TUSC3: variants seen among roughly 807,000 people sequenced by gnomAD.
TUSC3 encodes tumor suppressor candidate 3, also known as dolichyl-diphosphooligosaccharide--protein glycosyltransferase subunit TUSC3.
TUSC3 carries 45 observed loss-of-function variants against 44.8 expected under a neutral mutation model. The ratio of observed to expected loss-of-function variants is 1.00; its 90% CI spans 0.79 to 1.29. The LOEUF (loss-of-function observed/expected upper bound fraction) is 1.29. TUSC3 is among the 50% of genes most tolerant of loss of function. TUSC3 has a pLI of 0.00. For synonymous variants in TUSC3, 212 were observed against 152.9 expected (o/e 1.39, Z -2.85); for missense variants, 519 against 437.9 (o/e 1.19, Z -1.65).
At chr8:15,437,397 T>C (rs10503544) in intron 1 of TUSC3, among the ~76,000 whole-genome samples, 14,557 of 152,194 alleles carry the variant, frequency 0.096, 733 homozygotes, top group East Asian at 0.15. Context: ...TGTTTCTTAA[T>C]TTTTTATGGC....
At chr8:15,628,764 G>A (rs1265153411) in intron 2 of TUSC3, among the ~76,000 whole-genome samples, 3 of 152,226 alleles carry the variant, frequency 2.0e-5, no homozygotes, top group African/African-American at 7.2e-5. Flanking sequence ...TTAGTGAAGA[G>A]TCTGTAGAAT....
At chr8:15,493,097 A>AAT (rs1333732855) in intron 2 of TUSC3, among the ~76,000 whole-genome samples, 1 of 152,208 alleles carries the variant, frequency 6.6e-6, no homozygotes, top group East Asian at 1.9e-4. Flanking sequence ...ACACAAAAAA[A>AAT]ATCCTGCAAG....
chr8:15,670,173 G>A (rs1168837869), intron 5 of TUSC3, among the ~76,000 whole-genome samples: 2 of 151,772 alleles, frequency 1.3e-5, no homozygotes, highest in Admixed American at 1.3e-4. Flanking sequence ...AAAGATACTC[G>A]TCTTGATCTT....
intron 6 of TUSC3, among the ~76,000 whole-genome samples, chr8:15,709,168 C>T (rs1349293634): frequency 6.6e-6 from 1 of 151,782 alleles, no homozygotes; most frequent in East Asian, 1.9e-4. Flanking sequence ...ATACTGCATC[C>T]AACATAATCT....
intron 3 of TUSC3, among the ~76,000 whole-genome samples, chr8:15,652,818 T>G (rs1050216743): frequency 3.3e-5 from 5 of 152,200 alleles, no homozygotes; most frequent in Non-Finnish European, 5.9e-5. Context: ...GAGCACAGTC[T>G]TGAGGCCCAA....
chr8:15,602,708 A>G (rs1259320587), intron 1 of TUSC3, among the ~76,000 whole-genome samples: 1 of 149,092 alleles, frequency 6.7e-6, no homozygotes, highest in Non-Finnish European at 1.5e-5. Context: ...ATATATGTGT[A>G]TGTATACGTG....
chr8:15,591,624 G>C (rs1803841238), intron 1 of TUSC3, among the ~76,000 whole-genome samples: 1 of 152,194 alleles, frequency 6.6e-6, no homozygotes, highest in Admixed American at 6.5e-5. Flanking sequence ...TGTTGTGAGG[G>C]AGTGATTGGG....
At chr8:15,703,218 G>C (rs1412021982) in intron 6 of TUSC3, among the ~76,000 whole-genome samples, 5 of 152,066 alleles carry the variant, frequency 3.3e-5, no homozygotes, top group African/African-American at 7.2e-5. Context: ...GGGGACATTA[G>C]TATAGGTATA....
chr8:15,808,221 G>A, the TUSC3 span, among the ~76,000 whole-genome samples: 33 of 152,120 alleles, frequency 2.2e-4, no homozygotes, highest in Admixed American at 1.6e-3. Flanking sequence ...CTGGTATAAT[G>A]TGTTCCTTAA....
intron 1 of TUSC3, among the ~76,000 whole-genome samples, chr8:15,549,397 C>G (rs1164488110): frequency 6.6e-6 from 1 of 151,612 alleles, no homozygotes; most frequent in Admixed American, 6.6e-5. Context: ...TGGTCTCAAA[C>G]TCCTGACCTC....
intron 7 of TUSC3, among the ~76,000 whole-genome samples, chr8:15,737,677 A>C (rs1810996491): frequency 6.6e-6 from 1 of 152,192 alleles, no homozygotes; most frequent in African/African-American, 2.4e-5. Flanking sequence ...CCAATAAGGC[A>C]AAGCTAGACG....
intron 1 of TUSC3, among the ~76,000 whole-genome samples, chr8:15,425,881 T>C (rs1414930022): frequency 6.6e-6 from 1 of 152,178 alleles, no homozygotes; most frequent in Non-Finnish European, 1.5e-5. Context: ...ACAAGTGTGG[T>C]AGCTCATGCC....
chr8:15,828,016 C>T, the TUSC3 span, among the ~76,000 whole-genome samples: 7 of 139,290 alleles, frequency 5.0e-5, no homozygotes, highest in East Asian at 2.1e-4. Context: ...TTTTTTGACA[C>T]GGAGTTTCAC....
intron 1 of TUSC3, among the ~76,000 whole-genome samples, chr8:15,547,916 A>G (rs1234751016): frequency 6.6e-6 from 1 of 151,802 alleles, no homozygotes; most frequent in African/African-American, 2.4e-5. Flanking sequence ...TTTCATAATA[A>G]TAAATATACC....
At chr8:15,624,619 A>G (rs912589639) in intron 2 of TUSC3, among the ~76,000 whole-genome samples, 2 of 152,184 alleles carry the variant, frequency 1.3e-5, no homozygotes, top group African/African-American at 4.8e-5. Flanking sequence ...TTAATGAAGT[A>G]TCTGTTCATA....
chr8:15,550,764 C>T (rs879480873), intron 1 of TUSC3, among the ~76,000 whole-genome samples: 6 of 151,518 alleles, frequency 4.0e-5, no homozygotes, highest in East Asian at 2.0e-4. Context: ...CTCTGCCTCC[C>T]GGGTTCAAGT....
intron 2 of TUSC3, among the ~76,000 whole-genome samples, chr8:15,492,515 A>G (rs1800822348): frequency 1.3e-5 from 2 of 152,192 alleles, no homozygotes; most frequent in African/African-American, 4.8e-5. Flanking sequence ...AGACTGCCCC[A>G]AGACTGAAGA....
chr8:15,843,173 A>G, the TUSC3 span, among the ~76,000 whole-genome samples: 2 of 152,166 alleles, frequency 1.3e-5, no homozygotes, highest in African/African-American at 4.8e-5. Flanking sequence ...GAGTTTCTCT[A>G]TACAGTAAGG....
chr8:15,429,948 G>C (rs1799851835), intron 1 of TUSC3, among the ~76,000 whole-genome samples: 1 of 151,594 alleles, frequency 6.6e-6, no homozygotes, highest in Non-Finnish European at 1.5e-5. Flanking sequence ...TTGAATCTCT[G>C]AATAGACCAA....
Sources: allele counts gnomAD v4.1 joint callset (sites outside exome capture counted in the v4.1 genomes callset), GRCh38; gene constraint gnomAD v4.1.1; transcripts MANE v1.5; gene names NCBI Gene and HGNC (gene_info 2026-07-23, HGNC 2026-07-21).